Variants in OTOA observed in about 807,000 individuals in gnomAD.
OTOA encodes cancer/testis antigen 108.
OTOA carries 70 observed loss-of-function variants against 110.8 expected under a neutral mutation model. The observed-to-expected ratio is 0.63, with a 90% CI of 0.52 to 0.77. The LOEUF (loss-of-function observed/expected upper bound fraction) is 0.77, where lower values mean the gene tolerates loss of function less well. Among genes scored for constraint, OTOA ranks in the 30% least tolerant of loss-of-function variants. OTOA has a pLI of 0.00. For missense variants in OTOA, 917 were observed against 1,075.8 expected (o/e 0.85, Z 2.06); for synonymous variants, 373 against 431.5 (o/e 0.86, Z 1.68).
At chr16:21,696,029 G>A (rs1477720962) in intron 9 of OTOA, among the ~76,000 whole-genome samples, 3 of 150,336 alleles carry the variant, frequency 2.0e-5, no homozygotes, top group Non-Finnish European at 4.4e-5. Flanking sequence ...TGAGTAGCTG[G>A]GACTACAGGC....
At chr16:21,690,260 T>C (rs1224494794) in intron 8 of OTOA, among the ~76,000 whole-genome samples, 1 of 152,106 alleles carries the variant, frequency 6.6e-6, no homozygotes, top group East Asian at 1.9e-4. Context: ...ACGTGTACCA[T>C]GGTGGTTTGC....
intron 10 of OTOA, 147 bp downstream of exon 10, chr16:21,698,022 GA>G (rs1383263317): frequency 2.9e-6 from 2 of 697,370 alleles, no homozygotes; most frequent in African/African-American, 3.6e-5. Context: ...GGCCTCTGAA[GA>G]AAACTATTGG....
At chr16:21,705,335 C>T (rs941970052) in intron 12 of OTOA, 43 bp downstream of exon 12, 1 of 1,612,704 alleles carries the variant, frequency 6.2e-7, no homozygotes, top group Admixed American at 1.7e-5. Flanking sequence ...GCCTCAGTGT[C>T]ACTAGCCAGA....
chr16:21,675,307 A>ATTT lies in OTOA; in HGVS notation c.-4-3176_-4-3174dup, dbSNP rs57498010. On this transcript the variant is annotated intron_variant, in intron 1 of 28. Coordinates refer to ENST00000646100, the MANE Select transcript of OTOA (RefSeq NM_144672.4). ...GGGATTACAGCCACCACACCTGGCTATTTTTTTTTTTTTTTTTTTTTTTTT... is the reference window on the plus strand; with the variant it reads ...GGGATTACAGCCACCACACCTGGCTATTTTTTTTTTTTTTTTTTTTTTTTTTTT... Among the ~76,000 whole-genome samples the ATTT allele has an allele frequency of 9.4e-4, 35 of 37,160 alleles. 4 individuals carry two copies. Among genetic ancestry groups the ATTT allele is most frequent in the East Asian group, 3.2e-3 (4 of 1,264 alleles). 24.4% of individuals were successfully genotyped at this position (37,160 alleles called of 152,430 possible).
chr16:21,667,805 T>A (rs1057029666), intron 1 of OTOA, among the ~76,000 whole-genome samples: 2 of 152,134 alleles, frequency 1.3e-5, no homozygotes, highest in Non-Finnish European at 2.9e-5. Context: ...AAAACTTTAT[T>A]TATAGACACT....
chr16:21,700,297 CAA>C (rs1898025250), intron 10 of OTOA, among the ~76,000 whole-genome samples: 1 of 152,120 alleles, frequency 6.6e-6, no homozygotes, highest in Non-Finnish European at 1.5e-5. Flanking sequence ...CTCCATATAA[CAA>C]ATCTAGAAAT....
At chr16:21,735,295 T>C (rs1899254123) in intron 21 of OTOA, among the ~76,000 whole-genome samples, 1 of 152,074 alleles carries the variant, frequency 6.6e-6, no homozygotes, top group Admixed American at 6.6e-5. Context: ...AGACACATCT[T>C]ACTTGGCCGA....
intron 15 of OTOA, among the ~76,000 whole-genome samples, chr16:21,717,541 G>A (rs887311290): frequency 1.3e-5 from 2 of 152,146 alleles, no homozygotes; most frequent in Non-Finnish European, 1.5e-5. Context: ...TCTCATGTGC[G>A]AAATGGGGAT....
chr16:21,730,949 T>C lies in OTOA; in HGVS notation c.2301+19T>C. 1.5e-6 allele frequency: 2 copies of C among 1,352,256 alleles called. No homozygotes were observed. Among genetic ancestry groups the C allele is most frequent in the Non-Finnish European group, 2.1e-6 (2 of 947,924 alleles). 83.8% of individuals were successfully genotyped at this position (1,352,256 alleles called of 1,614,324 possible). A position where few individuals can be genotyped will look rare whatever the true frequency, so the allele number is the denominator to read the frequency against. ...CACAAAGGTAATGTTGTGCTCCATCTTAAGAAGGCTGAAGGAGTTTGAAGG... is the reference window on the plus strand; with the variant it reads ...CACAAAGGTAATGTTGTGCTCCATCCTAAGAAGGCTGAAGGAGTTTGAAGG... On this transcript the variant is annotated intron_variant, in intron 21 of 28. Coordinates refer to ENST00000646100, the MANE Select transcript of OTOA (RefSeq NM_144672.4).
At chr16:21,721,106 G>T (rs1443266581) in intron 17 of OTOA, among the ~76,000 whole-genome samples, 1 of 151,154 alleles carries the variant, frequency 6.6e-6, no homozygotes, top group African/African-American at 2.4e-5. Context: ...GTAGGGACGG[G>T]GTTTCATCAT....
At chr16:21,702,883 C>T (rs958039429) in intron 11 of OTOA, among the ~76,000 whole-genome samples, 1 of 152,120 alleles carries the variant, frequency 6.6e-6, no homozygotes, top group African/African-American at 2.4e-5. Flanking sequence ...ACCATGTTGG[C>T]CAGGATGGTC....
chr16:21,706,511 G>C (rs1269521527), intron 12 of OTOA, among the ~76,000 whole-genome samples: 2 of 152,152 alleles, frequency 1.3e-5, no homozygotes, highest in African/African-American at 4.8e-5. Context: ...ATGCAGCCAG[G>C]ATTGAGAACA....
intron 1 of OTOA, among the ~76,000 whole-genome samples, chr16:21,669,863 C>T (rs576937381): frequency 6.6e-6 from 1 of 152,270 alleles, no homozygotes; most frequent in South Asian, 2.1e-4. Context: ...CAGTGGCTCA[C>T]ACCTGTCATC....
At chr16:21,738,372 A>G (rs1338443809) in intron 22 of OTOA, among the ~76,000 whole-genome samples, 9 of 117,172 alleles carry the variant, frequency 7.7e-5, no homozygotes, top group African/African-American at 2.5e-4. Flanking sequence ...ATCGTGTGAC[A>G]TCGAGCAAAG....
intron 1 of OTOA, among the ~76,000 whole-genome samples, chr16:21,672,587 C>T (rs1966850747): frequency 6.7e-6 from 1 of 148,462 alleles, no homozygotes; most frequent in Non-Finnish European, 1.5e-5. Flanking sequence ...TGCGCCACTA[C>T]ACTCCAGCCT....
intron 1 of OTOA, among the ~76,000 whole-genome samples, chr16:21,675,209 G>C (rs1966855394): frequency 7.0e-6 from 1 of 142,310 alleles, no homozygotes; most frequent in Non-Finnish European, 1.5e-5. Flanking sequence ...GAGTGCAGTG[G>C]TGCAATCTTG....
chr16:21,759,852 A>G (rs1240879737), intron 28 of OTOA, among the ~76,000 whole-genome samples: 4 of 151,938 alleles, frequency 2.6e-5, no homozygotes, highest in Non-Finnish European at 5.9e-5. Flanking sequence ...GTGAGCCGAG[A>G]TGGCGCCATT....
chr16:21,711,001 TC>T (rs1353871934), intron 13 of OTOA, among the ~76,000 whole-genome samples: 1 of 152,046 alleles, frequency 6.6e-6, no homozygotes, highest in East Asian at 1.9e-4. Flanking sequence ...AGACTCCATT[TC>T]AAAAAAAATT....
At chr16:21,692,140 G>A (rs145216087) in intron 9 of OTOA, among the ~76,000 whole-genome samples, 22 of 151,918 alleles carry the variant, frequency 1.4e-4, no homozygotes, top group African/African-American at 4.8e-4. Context: ...CAGCCTGACC[G>A]ACATGGTGAA....
Sources: allele counts gnomAD v4.1 joint callset (sites outside exome capture counted in the v4.1 genomes callset), GRCh38; gene constraint gnomAD v4.1.1; transcripts MANE v1.5; gene names NCBI Gene and HGNC (gene_info 2026-07-23, HGNC 2026-07-21).